Variants in ARHGEF7 observed in about 807,000 individuals in gnomAD.
ARHGEF7 encodes PAK-interacting exchange factor beta.
Under a neutral mutation model 109.8 loss-of-function variants are expected in ARHGEF7, and 33 were observed. That is an observed-to-expected ratio of 0.30 (90% CI 0.23 to 0.40). ARHGEF7 has a LOEUF of 0.40. Among genes scored for constraint, ARHGEF7 ranks in the 10% least tolerant of loss-of-function variants. ARHGEF7 has a pLI of 1.00. For synonymous variants in ARHGEF7, 458 were observed against 424.6 expected (o/e 1.08, Z -0.97); for missense variants, 938 against 1,098.5 (o/e 0.85, Z 2.07).
intron 2 of ARHGEF7, chr13:111,185,110 GTCACTTCACC>G (rs2079119925): frequency 6.6e-6 from 1 of 152,248 alleles, no homozygotes; most frequent in Admixed American, 6.5e-5. Flanking sequence ...ATTAGAGAGG[GTCACTTCACC>G]TCCGGTTAGA....
intron 2 of ARHGEF7, among the ~76,000 whole-genome samples, chr13:111,158,106 A>C (rs1204852124): frequency 1.3e-5 from 2 of 152,240 alleles, no homozygotes. Context: ...AATTATTATA[A>C]TAAAGCTATG....
intron 8 of ARHGEF7, among the ~76,000 whole-genome samples, chr13:111,246,075 GT>G (rs1483035553): frequency 1.3e-5 from 2 of 152,098 alleles, no homozygotes; most frequent in Non-Finnish European, 2.9e-5. Flanking sequence ...TCAGCCATCA[GT>G]TTTTTTCTGT....
intron 2 of ARHGEF7, among the ~76,000 whole-genome samples, chr13:111,154,244 A>G (rs892621935): frequency 1.3e-5 from 2 of 152,214 alleles, no homozygotes; most frequent in African/African-American, 4.8e-5. Context: ...CTCTCGTTCC[A>G]GTGAGGAAGA....
chr13:111,119,382 G>A (rs12431328), intron 1 of ARHGEF7, among the ~76,000 whole-genome samples: 42,378 of 152,148 alleles, frequency 0.28, 7,533 homozygotes, highest in East Asian at 0.64. Context: ...AACCAGATCA[G>A]TTTATTAGCT....
intron 9 of ARHGEF7, among the ~76,000 whole-genome samples, chr13:111,270,513 G>A (rs2092053510): frequency 6.6e-6 from 1 of 151,800 alleles, no homozygotes; most frequent in East Asian, 1.9e-4. Flanking sequence ...TTCTGGCATT[G>A]TAAGAGTGTC....
intron 15 of ARHGEF7, among the ~76,000 whole-genome samples, chr13:111,281,876 G>C (rs2092796847): frequency 1.3e-5 from 2 of 152,216 alleles, no homozygotes; most frequent in African/African-American, 4.8e-5. Context: ...CTCCTACAGA[G>C]TTTCTTGTGT....
Position 111,292,507 on chromosome 13 carries a change from G to A in ARHGEF7, c.2311+213G>A, listed in dbSNP as rs41275850. On this transcript the variant is annotated intron_variant, in intron 19 of 21. Coordinates refer to ENST00000646102, the MANE Select transcript of ARHGEF7 (RefSeq NM_001354046.2). ...TAACTGCCGATGCGAGTATACATTC[G>A]AATGACTGACTATTGGAGGGAGGTG... 3.2e-4 allele frequency: 460 copies of A among 1,427,108 alleles called. 1 individual carries two copies. Among genetic ancestry groups the A allele is most frequent in the African/African-American group, 4.2e-4 (29 of 69,700 alleles). The allele number at this position is 1,427,108 out of a possible 1,614,324, so 88.4% of individuals were successfully genotyped here.
At chr13:111,274,922 A>G (rs555644119) in intron 11 of ARHGEF7, 132 bp downstream of exon 11, 7 of 531,570 alleles carry the variant, frequency 1.3e-5, no homozygotes, top group Middle Eastern at 3.0e-4. Flanking sequence ...CAGAGTCGGC[A>G]TTCTGTGGCT....
chr13:111,292,454 A>G, intron 19 of ARHGEF7, 160 bp downstream of exon 19: 1 of 1,449,228 alleles, frequency 6.9e-7, no homozygotes, highest in South Asian at 1.5e-5. Context: ...AGTGTTCCTG[A>G]TATTTCCCAT....
intron 2 of ARHGEF7, chr13:111,186,837 C>T (rs2079312079): frequency 1.0e-6 from 1 of 985,282 alleles, no homozygotes; most frequent in African/African-American, 1.7e-5. Flanking sequence ...TTGCAGAGGC[C>T]TCTCCGTCAG....
chr13:111,276,455 A>G (rs1263761189), intron 12 of ARHGEF7, among the ~76,000 whole-genome samples: 1 of 152,236 alleles, frequency 6.6e-6, no homozygotes, highest in Non-Finnish European at 1.5e-5. Flanking sequence ...CATGATTATA[A>G]AAACTTCACA....
intron 1 of ARHGEF7, among the ~76,000 whole-genome samples, chr13:111,141,440 T>TA (rs2075343775): frequency 6.6e-6 from 1 of 150,836 alleles, no homozygotes; most frequent in Non-Finnish European, 1.5e-5. Flanking sequence ...TAGTGCGAGC[T>TA]ATGGGGGAAG....
intron 2 of ARHGEF7, among the ~76,000 whole-genome samples, chr13:111,167,586 T>C (rs758530748): frequency 3.3e-5 from 5 of 152,218 alleles, no homozygotes; most frequent in Admixed American, 3.3e-4. Flanking sequence ...TGATATCCCT[T>C]GGTGCAATGT....
rs1168908274 is a variant in ARHGEF7, at chr13:111,303,125, A to G, written c.*12A>G. ...AGACCAATCTATAAGGGATGTCCTCAGTTCTTTCTGTTGAAGACCAGTTCT... is the reference window on the plus strand; with the variant it reads ...AGACCAATCTATAAGGGATGTCCTCGGTTCTTTCTGTTGAAGACCAGTTCT... On this transcript the variant is annotated 3_prime_UTR_variant, in exon 22 of 22. Transcript: ENST00000646102. 2.0e-6 allele frequency: 3 copies of G among 1,481,090 alleles called. No individual in the cohort carries two copies. Among genetic ancestry groups the G allele is most frequent in the Non-Finnish European group, 2.7e-6 (3 of 1,098,702 alleles). 91.7% of individuals were successfully genotyped at this position (1,481,090 alleles called of 1,614,324 possible). A position where few individuals can be genotyped will look rare whatever the true frequency, so the allele number is the denominator to read the frequency against.
chr13:111,294,289 G>A (rs1595603003), intron 19 of ARHGEF7: 7 of 985,296 alleles, frequency 7.1e-6, no homozygotes, highest in Non-Finnish European at 8.4e-6. Flanking sequence ...TGTTTGCCTC[G>A]AGACTACTCA....
At chr13:111,190,178 G>C (rs1222028210) in intron 2 of ARHGEF7, among the ~76,000 whole-genome samples, 2 of 152,146 alleles carry the variant, frequency 1.3e-5, no homozygotes, top group Non-Finnish European at 2.9e-5. Flanking sequence ...TGATAGCCTT[G>C]ATTCTAGAGG....
intron 2 of ARHGEF7, among the ~76,000 whole-genome samples, chr13:111,170,378 G>C (rs537911148): frequency 2.0e-5 from 3 of 152,238 alleles, no homozygotes; most frequent in Non-Finnish European, 4.4e-5. Context: ...GATTATAGGC[G>C]TGAGCCACCG....
chr13:111,277,793 G>C (rs1362779132), intron 13 of ARHGEF7, 120 bp downstream of exon 13: 2 of 657,442 alleles, frequency 3.0e-6, no homozygotes, highest in Non-Finnish European at 2.6e-6. Flanking sequence ...GTGTAGTGCT[G>C]TATATTCAGA....
intron 16 of ARHGEF7, among the ~76,000 whole-genome samples, chr13:111,284,628 A>C (rs1595523703): frequency 6.6e-6 from 1 of 152,068 alleles, no homozygotes; most frequent in Non-Finnish European, 1.5e-5. Context: ...AAGATAAACA[A>C]TTTTTTTTGA....
Sources: gnomAD v4.1 joint callset for allele counts (sites outside exome capture counted in the v4.1 genomes callset) on GRCh38, gnomAD v4.1.1 for gene constraint, MANE v1.5 for transcripts, NCBI Gene and HGNC (gene_info 2026-07-23, HGNC 2026-07-21) for gene names.